SNAPC4: variants seen among roughly 807,000 people sequenced by gnomAD.
The protein encoded by SNAPC4 is small nuclear RNA activating complex polypeptide 4, also known as snRNA-activating protein complex subunit 4.
In SNAPC4, 127 loss-of-function variants were observed where a neutral mutation model predicts 151.3. The ratio of observed to expected loss-of-function variants is 0.84; its 90% CI spans 0.73 to 0.97. The LOEUF is 0.97. Among genes scored for constraint, SNAPC4 ranks in the 50% least tolerant of loss-of-function variants. The pLI is 0.00. For missense variants in SNAPC4, 2,186 were observed against 1,935.0 expected (o/e 1.13, Z -2.43); for synonymous variants, 1,002 against 824.4 (o/e 1.22, Z -3.69).
chr9:136,393,411 G>T (rs1395499309), intron 7 of SNAPC4, among the ~76,000 whole-genome samples: 7 of 152,240 alleles, frequency 4.6e-5, no homozygotes, highest in African/African-American at 7.2e-5. Flanking sequence ...CTGTGCTGTT[G>T]AGTGGCCAAC....
In SNAPC4 at chr9:136,378,062, C is replaced by T; in HGVS notation, c.3765G>A (p.Glu1255=). Residue 1255 remains glutamate, a synonymous_variant, in exon 22 of 24, where the codon GAG becomes GAA. Transcript: ENST00000684778. The part of the protein sequence containing the change: ...PGPEKGALDL[E]KPPLPQPGPE... ...GCCCAGGCTGGGGTAGGGGCGGCTT[C>T]TCCAGGTCCAGGGCCCCCTTCTCAG... The T allele has an allele frequency of 1.3e-6, 2 of 1,577,538 alleles. No homozygotes were observed. Among genetic ancestry groups the T allele is most frequent in the East Asian group, 4.6e-5 (2 of 43,020 alleles).
Position 136,379,068 on chromosome 9 carries a change from T to G in SNAPC4, c.2759A>C (p.Gln920Pro). ...GATCACAGACGAGGAGACCAGCAGC[T>G]GGGACGGGAGCACCACCGGGCCCCG... is the stretch of plus-strand genomic sequence containing the variant. ...ATRGPVVLPS[Q>P]LLVSSSVILQ... The change falls in exon 22 of 24, where the codon CAG (glutamine) becomes CCG (proline). Residue 920 changes from glutamine (Q) to proline (P), a missense_variant. Transcript: ENST00000684778. 6.3e-7 allele frequency: 1 copy of G among 1,581,858 alleles called. No homozygotes were observed. Among genetic ancestry groups the G allele is most frequent in the South Asian group, 1.2e-5 (1 of 86,700 alleles).
At chr9:136,398,839 C>T (rs532641237) in intron 1 of SNAPC4, 3 of 171,882 alleles carry the variant, frequency 1.7e-5, no homozygotes, top group East Asian at 1.6e-4. Context: ...GGACACAGCC[C>T]GTGACCCACT....
At chr9:136,389,547 G>A (rs544546346) in intron 10 of SNAPC4, among the ~76,000 whole-genome samples, 1 of 152,218 alleles carries the variant, frequency 6.6e-6, no homozygotes, top group South Asian at 2.1e-4. Context: ...ACCACCCCGG[G>A]GTGTGCAAGC....
chr9:136,383,731 A>G lies in SNAPC4; in HGVS notation c.1501-63T>C, dbSNP rs1833792859. Reference sequence around the variant, plus strand: ...GCCCGGTTCACCCATGATGGCAGCAAGCAGGCCAGCCCTTTGGGGAGAGGC... The same window carrying G: ...GCCCGGTTCACCCATGATGGCAGCAGGCAGGCCAGCCCTTTGGGGAGAGGC... On this transcript the variant is annotated intron_variant, in intron 15 of 23. Coordinates refer to ENST00000684778, the MANE Select transcript of SNAPC4 (RefSeq NM_003086.4). The surrounding 1 kb of genome is among the most constrained non-coding windows in gnomAD (Gnocchi z 4.2). 8 of 1,554,004 alleles carry G rather than the reference A, an allele frequency of 5.1e-6. No individual in the cohort carries two copies. In the Admixed American group the frequency reaches 1.4e-4, roughly 28 times the overall value.
rs1447731492 is a variant in SNAPC4, at chr9:136,381,243, A to C, written c.2388+79T>G. 4 of 1,091,710 alleles carry C rather than the reference A, an allele frequency of 3.7e-6. No individual in the cohort carries two copies. The East Asian group carries it at 9.5e-5, about 26-fold the overall frequency. 67.6% of individuals were successfully genotyped at this position (1,091,710 alleles called of 1,614,324 possible). A position where few individuals can be genotyped will look rare whatever the true frequency, so the allele number is the denominator to read the frequency against. On this transcript the variant is annotated intron_variant, in intron 19 of 23. Transcript: ENST00000684778. The stretch of plus-strand genomic sequence containing the variant: ...TTAGATAGCTAGACTTTAAGGAATG[A>C]ATCTACTGCAGATTTCAAAACTTCA...
chr9:136,377,461 C>A lies in SNAPC4; in HGVS notation c.4284+82G>T, dbSNP rs1041252387. On this transcript the variant is annotated intron_variant, in intron 22 of 23. Coordinates refer to ENST00000684778, the MANE Select transcript of SNAPC4 (RefSeq NM_003086.4). ...TCCTGCCCGCAACTTCCACCAGCCC[C>A]CACCCCACTGCTCCAGGCAGGCGAG... 1.1e-5 allele frequency: 16 copies of A among 1,457,538 alleles called. No homozygotes were observed. The African/African-American group carries it at 2.0e-4, about 18-fold the overall frequency. The allele number at this position is 1,457,538 out of a possible 1,614,324, so 90.3% of individuals were successfully genotyped here. A position where few individuals can be genotyped will look rare whatever the true frequency, so the allele number is the denominator to read the frequency against.
Position 136,378,909 on chromosome 9 carries a change from C to T in SNAPC4, c.2918G>A (p.Gly973Glu). ...PGTSGSWQEA[G>E]TSAKDKRLST... ...GAGTCTCTTGTCCTTGGCTGAAGTC[C>T]CAGCCTCCTGCCAGGAGCCAGAAGT... The change falls in exon 22 of 24, where the codon GGG becomes GAG. Residue 973 changes from glycine (G) to glutamate (E), a missense_variant. Gly to Glu is a moderately conservative substitution (Grantham distance 98). Transcript: ENST00000684778. The T allele has an allele frequency of 6.2e-7, 1 of 1,611,108 alleles. No homozygotes were observed. Among genetic ancestry groups the T allele is most frequent in the Non-Finnish European group, 8.5e-7 (1 of 1,179,544 alleles).
chr9:136,391,027 T>A (rs1588760077), intron 10 of SNAPC4, among the ~76,000 whole-genome samples: 1 of 152,100 alleles, frequency 6.6e-6, no homozygotes, highest in South Asian at 2.1e-4. Flanking sequence ...AGAGACGGGG[T>A]TTCTCCATGT....
Position 136,383,386 on chromosome 9 carries a change from C to T in SNAPC4, c.1783G>A (p.Ala595Thr), listed in dbSNP as rs1426145210. The part of the protein sequence containing the change: ...GGAGAWLGGP[A>T]ASLSPPKGSS... ...CCCTTGGGAGGGCTGAGGGAGGCAG[C>T]GGGGCCTCCCAGCCAGGCCCCTGCC... Residue 595 changes from alanine to threonine, a missense_variant, in exon 16 of 24, where the codon GCT (alanine) becomes ACT (threonine). By Grantham distance (58) the Ala-to-Thr change is moderately conservative. Coordinates refer to ENST00000684778, the MANE Select transcript of SNAPC4 (RefSeq NM_003086.4). The surrounding 1 kb of genome is among the most constrained non-coding windows in gnomAD (Gnocchi z 4.2). 2 of 1,588,852 alleles carry T rather than the reference C, an allele frequency of 1.3e-6. No homozygotes were observed. The highest frequency in any genetic ancestry group is 1.1e-5 in the South Asian group (1 of 88,604).
In SNAPC4 at chr9:136,383,452, C is replaced by T; in HGVS notation, c.1717G>A (p.Val573Ile). ...TGGCTGGTGCTCTGCCTGGCAGGAACCCACAGGTCCATGTCCGGGACCATG... is the reference window on the plus strand; with the variant it reads ...TGGCTGGTGCTCTGCCTGGCAGGAATCCACAGGTCCATGTCCGGGACCATG... ...QYMVPDMDLW[V>I]PARQSTSQPW... Residue 573 changes from valine (V) to isoleucine (I), a missense_variant, in exon 16 of 24, where the codon GTT becomes ATT. Coordinates refer to ENST00000684778, the MANE Select transcript of SNAPC4 (RefSeq NM_003086.4). The surrounding 1 kb of genome is among the most constrained non-coding windows in gnomAD (Gnocchi z 4.2). 6.4e-7 allele frequency: 1 copy of T among 1,561,944 alleles called. No homozygotes were observed. The highest frequency in any genetic ancestry group is 2.4e-5 in the East Asian group (1 of 41,670).
At chr9:136,381,176 C>G (rs924089525) in intron 19 of SNAPC4, 146 bp downstream of exon 19, 1 of 713,910 alleles carries the variant, frequency 1.4e-6, no homozygotes. Context: ...CACTTGCTAA[C>G]AGTGTAAGGC....
chr9:136,381,951 G>A lies in SNAPC4; in HGVS notation c.2190C>T (p.Arg730=). ...RHRATQSGQR[R]WRHALHRRLL... is the part of the protein sequence containing the mutation. ...GCCTCCGGTGCAGAGCGTGTCTCCA[G>A]CGCCGCTGCCCACTCTGGGTGGCTC... Residue 730 remains arginine, a synonymous_variant, in exon 18 of 24, where the codon CGC becomes CGT. Transcript: ENST00000684778. 6.2e-7 allele frequency: 1 copy of A among 1,612,462 alleles called. No individual in the cohort carries two copies. The highest frequency in any genetic ancestry group is 1.1e-5 in the South Asian group (1 of 91,034).
chr9:136,383,738 C>T lies in SNAPC4; in HGVS notation c.1501-70G>A. The T allele has an allele frequency of 6.5e-7, 1 of 1,549,464 alleles. No individual in the cohort carries two copies. Among genetic ancestry groups the T allele is most frequent in the Non-Finnish European group, 8.7e-7 (1 of 1,144,988 alleles). Reference sequence around the variant, plus strand: ...TCACCCATGATGGCAGCAAGCAGGCCAGCCCTTTGGGGAGAGGCCCAAGCG... The same window carrying T: ...TCACCCATGATGGCAGCAAGCAGGCTAGCCCTTTGGGGAGAGGCCCAAGCG... On this transcript the variant is annotated intron_variant, in intron 15 of 23. Transcript: ENST00000684778. The surrounding 1 kb of genome is among the most constrained non-coding windows in gnomAD (Gnocchi z 4.2).
chr9:136,386,793 C>A lies in SNAPC4; in HGVS notation c.1325+692G>T, dbSNP rs113571563. ...TTTTTGAGACAGTCTTGCTCTGTCA[C>A]CCAGGCTGGAGTGCTGTGGCGTGAT... On this transcript the variant is annotated intron_variant, in intron 13 of 23. Coordinates refer to ENST00000684778, the MANE Select transcript of SNAPC4 (RefSeq NM_003086.4). Among the ~76,000 whole-genome samples, 139 of 151,920 alleles carry A rather than the reference C, an allele frequency of 9.1e-4. 1 individual carries two copies. The highest frequency in any genetic ancestry group is 3.2e-3 in the African/African-American group (134 of 41,374).
At chr9:136,398,554 G>A in intron 1 of SNAPC4, 117 bp from the exon 2 acceptor site, 2 of 1,182,328 alleles carry the variant, frequency 1.7e-6, no homozygotes, top group South Asian at 1.5e-5. Flanking sequence ...GTGGGCACTG[G>A]GCTCCCCAGA....
At position 136,395,612 on chromosome 9, in the gene SNAPC4, C is replaced by G. The variant is rs1834241523; in HGVS notation, c.336G>C (p.Arg112=). The G allele has an allele frequency of 6.2e-7, 1 of 1,611,278 alleles. No homozygotes were observed. The highest frequency in any genetic ancestry group is 8.5e-7 in the Non-Finnish European group (1 of 1,178,950). The change falls in exon 4 of 24, where the codon CGG becomes CGC. Residue 112 remains arginine (R), a synonymous_variant. Transcript: ENST00000684778. ...CCGAGGCCCATCCCACCTGCTGCTC[C>G]CGGTTCTGGGCCAGCAGCAGGTTGG... ...AEANLLLAQN[R]EQQEELMRDL...
chr9:136,391,062 G>C (rs940727985), intron 10 of SNAPC4, among the ~76,000 whole-genome samples: 2 of 152,108 alleles, frequency 1.3e-5, no homozygotes, highest in Non-Finnish European at 2.9e-5. Context: ...TTGAACTCCC[G>C]ACCTCAGGTG....
intron 20 of SNAPC4, 68 bp downstream of exon 20, chr9:136,380,672 G>A (rs963428807): frequency 1.4e-5 from 13 of 901,558 alleles, no homozygotes; most frequent in African/African-American, 8.1e-5. Flanking sequence ...GCCAGCCTCC[G>A]TGGAAACCCA....
Sources: allele counts gnomAD v4.1 joint callset (sites outside exome capture counted in the v4.1 genomes callset), GRCh38; gene constraint gnomAD v4.1.1; non-coding constraint Gnocchi (gnomAD v3.1); transcripts MANE v1.5; gene names NCBI Gene and HGNC (gene_info 2026-07-23, HGNC 2026-07-21).